The following MACROD2 variants were observed in gnomAD, a reference collection of about 807,000 sequenced individuals.
MACROD2 encodes the protein mono-ADP ribosylhydrolase 2, also known as ADP-ribose glycohydrolase MACROD2.
Under a neutral mutation model 70.4 loss-of-function variants are expected in MACROD2, and 36 were observed. The ratio of observed to expected loss-of-function variants is 0.51; its 90% CI spans 0.39 to 0.68. The LOEUF is 0.68. MACROD2 is among the 30% of genes least tolerant of loss of function. The pLI, the probability that MACROD2 is intolerant of heterozygous loss-of-function variation, is 0.00. For missense variants in MACROD2, 496 were observed against 538.4 expected (o/e 0.92, Z 0.78); for synonymous variants, 172 against 178.8 (o/e 0.96, Z 0.30).
chr20:14,863,212 A>G (rs936670909), intron 5 of MACROD2, among the ~76,000 whole-genome samples: 1 of 152,122 alleles, frequency 6.6e-6, no homozygotes, highest in Non-Finnish European at 1.5e-5. Flanking sequence ...GCAACTTTTC[A>G]TAAACTGCAC....
At chr20:15,650,246 G>C (rs1162207392) in intron 8 of MACROD2, among the ~76,000 whole-genome samples, 2 of 152,120 alleles carry the variant, frequency 1.3e-5, no homozygotes, top group Non-Finnish European at 2.9e-5. Flanking sequence ...AAAAATAAAT[G>C]GTCATGAGAA....
chr20:14,299,168 A>G (rs1336352143), intron 3 of MACROD2, among the ~76,000 whole-genome samples: 1 of 152,132 alleles, frequency 6.6e-6, no homozygotes, highest in African/African-American at 2.4e-5. Flanking sequence ...AATACAGACA[A>G]TTTCATTGTT....
chr20:14,892,857 T>G (rs1462482102), intron 5 of MACROD2: 4 of 152,210 alleles, frequency 2.6e-5, no homozygotes, highest in Non-Finnish European at 4.4e-5. Flanking sequence ...TTTTGTATTT[T>G]TAGTAGAGAC....
At chr20:14,699,982 A>AAAGTTTAAATCTAG (rs2071174718) in intron 5 of MACROD2, among the ~76,000 whole-genome samples, 3 of 99,362 alleles carry the variant, frequency 3.0e-5, no homozygotes, top group Non-Finnish European at 7.4e-5. Context: ...CTAGAAGTTT[A>AAAGTTTAAATCTAG]AAGTTTAAAG....
intron 6 of MACROD2, among the ~76,000 whole-genome samples, chr20:15,325,776 C>A (rs2077922332): frequency 6.6e-6 from 1 of 152,130 alleles, no homozygotes; most frequent in South Asian, 2.1e-4. Context: ...CATATGGTGG[C>A]CTTCCCAAAG....
chr20:15,684,649 G>A (rs1478467333), intron 8 of MACROD2, among the ~76,000 whole-genome samples: 1 of 152,164 alleles, frequency 6.6e-6, no homozygotes, highest in East Asian at 1.9e-4. Context: ...ATTATAGATA[G>A]GAAATTTCCT....
At chr20:14,049,748 CTG>C (rs1476915273) in intron 2 of MACROD2, among the ~76,000 whole-genome samples, 8 of 151,294 alleles carry the variant, frequency 5.3e-5, no homozygotes, top group South Asian at 2.1e-4. Flanking sequence ...AAGAACAAGA[CTG>C]TCTCAAAAAC....
intron 3 of MACROD2, among the ~76,000 whole-genome samples, chr20:14,274,217 C>G (rs1423441871): frequency 6.6e-6 from 1 of 152,122 alleles, no homozygotes; most frequent in Non-Finnish European, 1.5e-5. Context: ...GACCAATATC[C>G]TTGATGAACA....
chr20:14,751,638 G>C (rs1247988394), intron 5 of MACROD2, among the ~76,000 whole-genome samples: 1 of 152,092 alleles, frequency 6.6e-6, no homozygotes, highest in Non-Finnish European at 1.5e-5. Flanking sequence ...CTGCCCTGCT[G>C]TCTCTATTTC....
At chr20:14,206,976 T>C (rs1419316883) in intron 3 of MACROD2, among the ~76,000 whole-genome samples, 1 of 152,052 alleles carries the variant, frequency 6.6e-6, no homozygotes, top group African/African-American at 2.4e-5. Context: ...GTGATAATAA[T>C]AGAAAAAGGA....
chr20:14,572,812 A>C (rs932519123), intron 4 of MACROD2, among the ~76,000 whole-genome samples: 4 of 151,724 alleles, frequency 2.6e-5, no homozygotes, highest in Non-Finnish European at 4.4e-5. Context: ...TGGGCTGTGT[A>C]CTTATGATCA....
At chr20:14,995,875 A>C (rs1409571383) in intron 5 of MACROD2, among the ~76,000 whole-genome samples, 1 of 152,190 alleles carries the variant, frequency 6.6e-6, no homozygotes, top group Non-Finnish European at 1.5e-5. Flanking sequence ...AAACTAGAGA[A>C]GGCTGAAAAT....
rs1444019686 is a variant in MACROD2, at chr20:14,862,537, A to G, written c.418+177578A>G. The stretch of plus-strand genomic sequence containing the variant: ...TATATATAAATATAAATATATATAA[A>G]TATATAAAAATATATATATAAATAT... On this transcript the variant is annotated intron_variant, in intron 5 of 17. Transcript: ENST00000684519. Among the ~76,000 whole-genome samples the G allele has an allele frequency of 2.6e-3, 50 of 18,940 alleles. 3 individuals carry two copies. The highest frequency in any genetic ancestry group is 3.6e-3 in the East Asian group (2 of 558). 12.4% of individuals were successfully genotyped at this position (18,940 alleles called of 152,430 possible).
intron 6 of MACROD2, among the ~76,000 whole-genome samples, chr20:15,373,751 G>A (rs991366271): frequency 2.0e-5 from 3 of 152,124 alleles, no homozygotes; most frequent in African/African-American, 7.2e-5. Context: ...TTATTGAAAT[G>A]TCATTGAATT....
intron 15 of MACROD2, among the ~76,000 whole-genome samples, chr20:16,010,433 T>A (rs1028149581): frequency 4.6e-5 from 7 of 152,216 alleles, no homozygotes; most frequent in African/African-American, 1.7e-4. Context: ...AGGATAGTAC[T>A]TTGTCTCCTA....
chr20:14,045,876 T>C (rs1393522000), intron 2 of MACROD2, among the ~76,000 whole-genome samples: 2 of 152,158 alleles, frequency 1.3e-5, no homozygotes, highest in African/African-American at 4.8e-5. Context: ...GATATAATAA[T>C]GACCTTGAAA....
intron 6 of MACROD2, among the ~76,000 whole-genome samples, chr20:15,266,606 C>T (rs1265047996): frequency 6.6e-6 from 1 of 152,234 alleles, no homozygotes; most frequent in Non-Finnish European, 1.5e-5. Flanking sequence ...TTTTCTTTCT[C>T]TCTAAACCAT....
At chr20:15,972,090 T>C (rs2066240048) in intron 13 of MACROD2, among the ~76,000 whole-genome samples, 1 of 152,096 alleles carries the variant, frequency 6.6e-6, no homozygotes, top group South Asian at 2.1e-4. Flanking sequence ...AAAATTATAC[T>C]TGATGAGAAC....
At chr20:15,078,647 C>A (rs558036852) in intron 5 of MACROD2, among the ~76,000 whole-genome samples, 1 of 152,136 alleles carries the variant, frequency 6.6e-6, no homozygotes, top group South Asian at 2.1e-4. Context: ...CTATTGGGAA[C>A]AACTGAGGCC....
Sources: allele counts gnomAD v4.1 joint callset (sites outside exome capture counted in the v4.1 genomes callset), GRCh38; gene constraint gnomAD v4.1.1; transcripts MANE v1.5; gene names NCBI Gene and HGNC (gene_info 2026-07-23, HGNC 2026-07-21).